Variants in SYT16 observed in about 807,000 individuals in gnomAD.
SYT16 encodes the protein synaptotagmin-16.
A neutral mutation model predicts 61.4 loss-of-function variants in SYT16; 42 were observed. That is an observed-to-expected ratio of 0.68 (90% CI 0.53 to 0.89). The LOEUF (loss-of-function observed/expected upper bound fraction) is 0.89. Among genes scored for constraint, SYT16 ranks in the 40% least tolerant of loss-of-function variants. SYT16 has a pLI of 0.00. For synonymous variants in SYT16, 314 were observed against 302.3 expected (o/e 1.04, Z -0.40); for missense variants, 804 against 807.3 (o/e 1.00, Z 0.05).
chr14:61,864,555 C>G (rs1013577636), intron 1 of SYT16, among the ~76,000 whole-genome samples: 1 of 152,264 alleles, frequency 6.6e-6, no homozygotes, highest in African/African-American at 2.4e-5. Context: ...CCTGGCCTAC[C>G]AAGTGCTGCA....
intron 3 of SYT16, among the ~76,000 whole-genome samples, chr14:62,033,368 C>A (rs112464904): frequency 5.3e-5 from 8 of 152,056 alleles, no homozygotes; most frequent in African/African-American, 1.9e-4. Context: ...TCTTTCCTCC[C>A]CGGCCTGTTG....
Position 61,919,802 on chromosome 14 carries a change from A to G in SYT16, c.-324-50330A>G, listed in dbSNP as rs1660647. On this transcript the variant is annotated intron_variant, in intron 1 of 7. Coordinates refer to ENST00000683842, the MANE Select transcript of SYT16 (RefSeq NM_001367656.1). ...GGATTAGGACATAGACATATGAAGA[A>G]AAAGGGCATTATTTTGCTTCCCATA... 7.5e-3 allele frequency among the ~76,000 whole-genome samples: 947 copies of G among 126,468 alleles called. 25 individuals carry two copies. Among genetic ancestry groups the G allele is most frequent in the African/African-American group, 0.018 (614 of 34,574 alleles). The allele number at this position is 126,468 out of a possible 152,430, so 83.0% of individuals were successfully genotyped here.
At position 62,029,716 on chromosome 14, in the gene SYT16, A is replaced by G. The variant is rs2054239139; in HGVS notation, c.523+33174A>G. On this transcript the variant is annotated intron_variant, in intron 3 of 7. Coordinates refer to ENST00000683842, the MANE Select transcript of SYT16 (RefSeq NM_001367656.1). ...TAGTGAGTCAGCAGTGGGGCTATCA[A>G]TAGAATCCAGTCAATAGTTCTGTCG... Among the ~76,000 whole-genome samples the G allele has an allele frequency of 2.0e-5, 3 of 152,212 alleles. No individual in the cohort carries two copies. In the South Asian group the frequency reaches 6.2e-4, roughly 32 times the overall value.
At chr14:61,968,098 T>TA (rs2051390517) in intron 1 of SYT16, among the ~76,000 whole-genome samples, 1 of 151,956 alleles carries the variant, frequency 6.6e-6, no homozygotes, top group Admixed American at 6.6e-5. Flanking sequence ...CCGTCTCTAC[T>TA]AAAAATACCA....
chr14:61,887,174 G>T (rs962584439), intron 1 of SYT16, among the ~76,000 whole-genome samples: 1 of 152,142 alleles, frequency 6.6e-6, no homozygotes, highest in Non-Finnish European at 1.5e-5. Flanking sequence ...AGAGCTCTTG[G>T]GTGACAAGGT....
chr14:61,823,148 A>C (rs1240307194), intron 1 of SYT16, among the ~76,000 whole-genome samples: 4 of 152,088 alleles, frequency 2.6e-5, no homozygotes, highest in African/African-American at 9.7e-5. Context: ...GCCTGCCACC[A>C]TGCCCGGCTA....
intron 2 of SYT16, among the ~76,000 whole-genome samples, chr14:61,983,798 G>T (rs1455491740): frequency 2.0e-5 from 3 of 152,148 alleles, no homozygotes. Flanking sequence ...AAAGTCCAGG[G>T]TTAACAGGTG....
rs140207043 is a variant in SYT16, at chr14:61,932,802, C to T, written c.-324-37330C>T. 2.2e-3 allele frequency among the ~76,000 whole-genome samples: 334 copies of T among 152,284 alleles called. 4 individuals are homozygous for T. Among genetic ancestry groups the T allele is most frequent in the African/African-American group, 7.7e-3 (319 of 41,564 alleles). ...TCATGAGATTAAGCTACTCATGCCT[C>T]ATGTATGTAGGTGCTGCATTTTATA... On this transcript the variant is annotated intron_variant, in intron 1 of 7. Transcript: ENST00000683842.
chr14:61,876,081 C>G lies in SYT16; in HGVS notation c.-325+63271C>G, dbSNP rs148012194. Reference sequence around the variant, plus strand: ...GTGTGTGCGTGTGTGTGTGCACATGCACGTGTGTGTGAGTGCGTGTTTACT... The same window carrying G: ...GTGTGTGCGTGTGTGTGTGCACATGGACGTGTGTGTGAGTGCGTGTTTACT... On this transcript the variant is annotated intron_variant, in intron 1 of 7. Coordinates refer to ENST00000683842, the MANE Select transcript of SYT16 (RefSeq NM_001367656.1). Among the ~76,000 whole-genome samples the G allele has an allele frequency of 3.3e-5, 5 of 152,184 alleles. No individual in the cohort carries two copies. The East Asian group carries it at 9.7e-4, about 29-fold the overall frequency.
At chr14:61,982,784 AT>A (rs2052139913) in intron 2 of SYT16, among the ~76,000 whole-genome samples, 1 of 152,072 alleles carries the variant, frequency 6.6e-6, no homozygotes, top group Non-Finnish European at 1.5e-5. Flanking sequence ...AGATGAGGCA[AT>A]TTTTTGTAAG....
chr14:62,022,497 C>A (rs2053949153), intron 3 of SYT16, among the ~76,000 whole-genome samples: 2 of 151,962 alleles, frequency 1.3e-5, no homozygotes, highest in African/African-American at 4.8e-5. Flanking sequence ...TAGGTGTGAT[C>A]TGCTTTTTAT....
At chr14:61,897,259 T>G (rs1264435110) in intron 1 of SYT16, 1 of 152,194 alleles carries the variant, frequency 6.6e-6, no homozygotes, top group Admixed American at 6.5e-5. Context: ...CCAGAAAAAT[T>G]TGCTGACCCC....
intron 1 of SYT16, among the ~76,000 whole-genome samples, chr14:61,941,130 A>G (rs1433863775): frequency 1.3e-5 from 2 of 152,192 alleles, no homozygotes; most frequent in Admixed American, 1.3e-4. Context: ...ACACATGCCT[A>G]TCAGTGTTGA....
intron 5 of SYT16, among the ~76,000 whole-genome samples, chr14:62,080,024 A>C (rs1391781281): frequency 6.6e-6 from 1 of 152,366 alleles, no homozygotes; most frequent in Admixed American, 6.5e-5. Flanking sequence ...ATTAATGTGC[A>C]TTTTTAAGCT....
At chr14:61,993,877 A>G (rs770695059) in intron 2 of SYT16, among the ~76,000 whole-genome samples, 4 of 152,170 alleles carry the variant, frequency 2.6e-5, no homozygotes, top group Non-Finnish European at 4.4e-5. Flanking sequence ...TTGAGAATTC[A>G]CTATGTGCTC....
chr14:62,063,732 G>A (rs2055932186), intron 3 of SYT16, among the ~76,000 whole-genome samples: 1 of 147,358 alleles, frequency 6.8e-6, no homozygotes, highest in Non-Finnish European at 1.5e-5. Flanking sequence ...ATTAGAGAGA[G>A]GAACACTCTG....
chr14:62,011,799 C>T (rs2053459925), intron 3 of SYT16, among the ~76,000 whole-genome samples: 1 of 151,146 alleles, frequency 6.6e-6, no homozygotes, highest in Non-Finnish European at 1.5e-5. Flanking sequence ...TGCCGTATAT[C>T]ACCACAGGAC....
intron 3 of SYT16, among the ~76,000 whole-genome samples, chr14:62,025,100 G>A (rs1328275774): frequency 2.0e-5 from 3 of 152,094 alleles, no homozygotes; most frequent in Non-Finnish European, 2.9e-5. Flanking sequence ...AAATATCCGT[G>A]TACAGGTTTT....
chr14:61,956,113 A>G (rs1366476652), intron 1 of SYT16, among the ~76,000 whole-genome samples: 1 of 151,870 alleles, frequency 6.6e-6, no homozygotes, highest in Non-Finnish European at 1.5e-5. Flanking sequence ...AGAAATGCCT[A>G]TTTAGGTCCT....
Sources: allele counts gnomAD v4.1 joint callset (sites outside exome capture counted in the v4.1 genomes callset), GRCh38; gene constraint gnomAD v4.1.1; transcripts MANE v1.5; gene names NCBI Gene and HGNC (gene_info 2026-07-23, HGNC 2026-07-21).